Variants in MATCAP1 observed in about 807,000 individuals in gnomAD.
MATCAP1 encodes the protein microtubule-associated tyrosine carboxypeptidase 1.
the MATCAP1 span, chr16:67,179,418 C>A: frequency 6.2e-7 from 1 of 1,600,232 alleles, no homozygotes; most frequent in South Asian, 1.1e-5. The surrounding 1 kb of genome is among the most constrained non-coding windows in gnomAD (Gnocchi z 5.2). Flanking sequence ...GCCCGGATAC[C>A]CACACCCTGA....
the MATCAP1 span, chr16:67,176,080 T>A: frequency 6.9e-6 from 1 of 145,114 alleles, no homozygotes; most frequent in African/African-American, 2.6e-5. The surrounding 1 kb of genome is among the most constrained non-coding windows in gnomAD (Gnocchi z 4.3). Flanking sequence ...TGTGTGTGTG[T>A]GTGTGTGTGT....
the MATCAP1 span, chr16:67,178,143 G>T: frequency 1.5e-6 from 2 of 1,357,962 alleles, no homozygotes; most frequent in Non-Finnish European, 1.0e-6. Context: ...CCCGCCCCTC[G>T]CCCGAAGCCC....
chr16:67,179,478 T>C, the MATCAP1 span: 7 of 1,612,240 alleles, frequency 4.3e-6, no homozygotes, highest in African/African-American at 6.7e-5. The surrounding 1 kb of genome is among the most constrained non-coding windows in gnomAD (Gnocchi z 5.2). Flanking sequence ...CGGGCTCCGG[T>C]CAGGTTGATC....
the MATCAP1 span, chr16:67,179,129 C>G: frequency 2.5e-6 from 3 of 1,205,208 alleles, no homozygotes; most frequent in East Asian, 4.9e-5. The surrounding 1 kb of genome is among the most constrained non-coding windows in gnomAD (Gnocchi z 5.2). Context: ...TTTCTCTGGC[C>G]GGTCAGGGCC....
the MATCAP1 span, chr16:67,178,560 C>T: frequency 1.4e-6 from 2 of 1,424,348 alleles, no homozygotes; most frequent in Non-Finnish European, 1.9e-6. Flanking sequence ...GACCCGCCTG[C>T]GAGCCCAGCC....
the MATCAP1 span, chr16:67,177,948 C>T: frequency 6.8e-7 from 1 of 1,464,212 alleles, no homozygotes; most frequent in Non-Finnish European, 9.6e-7. Context: ...ATCCGAGGCT[C>T]AGGGAATTCT....
At chr16:67,179,382 C>T in the MATCAP1 span, 1 of 1,564,554 alleles carries the variant, frequency 6.4e-7, no homozygotes, top group African/African-American at 1.4e-5. This position sits in a 1 kb window ranked among gnomAD's most constrained non-coding sequence, Gnocchi z 5.2. Context: ...TCCCAGCTCC[C>T]AGGCCCCTTT....
the MATCAP1 span, chr16:67,176,679 A>G: frequency 3.6e-6 from 3 of 840,918 alleles, no homozygotes; most frequent in South Asian, 5.0e-5. The surrounding 1 kb of genome is among the most constrained non-coding windows in gnomAD (Gnocchi z 4.3). Context: ...CTCCTCCTCA[A>G]GGAATGCTCC....
At chr16:67,179,670 A>C in the MATCAP1 span, 1 of 1,458,874 alleles carries the variant, frequency 6.9e-7, no homozygotes, top group South Asian at 1.2e-5. This position sits in a 1 kb window ranked among gnomAD's most constrained non-coding sequence, Gnocchi z 5.2. Flanking sequence ...CAGGGCACCC[A>C]CCCTTCATCA....
chr16:67,179,060 C>A, the MATCAP1 span: 2 of 1,145,842 alleles, frequency 1.7e-6, no homozygotes, highest in Admixed American at 4.4e-5. The surrounding 1 kb of genome is among the most constrained non-coding windows in gnomAD (Gnocchi z 5.2). Flanking sequence ...CAGGACCTGG[C>A]CTTCCATCCA....
the MATCAP1 span, chr16:67,179,459 C>A: frequency 6.2e-7 from 1 of 1,612,348 alleles, no homozygotes; most frequent in Non-Finnish European, 8.5e-7. This position sits in a 1 kb window ranked among gnomAD's most constrained non-coding sequence, Gnocchi z 5.2. Flanking sequence ...GCCCTCCAAC[C>A]AGTACTGGCG....
the MATCAP1 span, chr16:67,178,424 GCCGCAGCCCGTA>G: frequency 1.3e-6 from 2 of 1,539,910 alleles, no homozygotes; most frequent in Non-Finnish European, 1.7e-6. Flanking sequence ...GGGTTCGCCG[GCCGCAGCCCGTA>G]CCGCAGCCGG....
the MATCAP1 span, chr16:67,180,676 C>T: frequency 3.3e-6 from 4 of 1,229,864 alleles, no homozygotes. Flanking sequence ...TCTGGGGACA[C>T]AGAAGGGCAT....
At chr16:67,180,190 C>G in the MATCAP1 span, 1 of 1,614,218 alleles carries the variant, frequency 6.2e-7, no homozygotes, top group Admixed American at 1.7e-5. Flanking sequence ...CGCAGGGCCA[C>G]CAACATGCAG....
chr16:67,179,642 C>G, the MATCAP1 span: 9 of 1,492,406 alleles, frequency 6.0e-6, no homozygotes, highest in South Asian at 1.1e-4. The surrounding 1 kb of genome is among the most constrained non-coding windows in gnomAD (Gnocchi z 5.2). Flanking sequence ...CACAGGGCAG[C>G]GAGGCCAGAC....
the MATCAP1 span, chr16:67,176,127 A>C: frequency 7.5e-6 from 1 of 133,822 alleles, no homozygotes; most frequent in East Asian, 2.2e-4. The surrounding 1 kb of genome is among the most constrained non-coding windows in gnomAD (Gnocchi z 4.3). Flanking sequence ...GTGTAATGGG[A>C]GTGGGGCTGG....
chr16:67,183,771 G>C, the MATCAP1 span: 6 of 165,396 alleles, frequency 3.6e-5, no homozygotes, highest in Non-Finnish European at 3.9e-5. Context: ...GGTGGGGCCA[G>C]GAGACAATGG....
chr16:67,180,662 G>A, the MATCAP1 span: 3 of 1,322,324 alleles, frequency 2.3e-6, no homozygotes, highest in Admixed American at 2.5e-5. Context: ...CCACACTGTC[G>A]ACCTCTGGGG....
At chr16:67,180,016 G>C in the MATCAP1 span, 1 of 1,612,812 alleles carries the variant, frequency 6.2e-7, no homozygotes, top group South Asian at 1.1e-5. Flanking sequence ...TCAGGGCCAG[G>C]ATACGGTGGG....
Sources: gnomAD v4.1 joint callset for allele counts on GRCh38, gnomAD v4.1.1 for gene constraint, Gnocchi (gnomAD v3.1) non-coding constraint, MANE v1.5 for transcripts, NCBI Gene and HGNC (gene_info 2026-07-23, HGNC 2026-07-21) for gene names.